The following RIT2 variants were observed in gnomAD, a reference collection of about 807,000 sequenced individuals.
RIT2 encodes the protein GTP-binding protein Rit2.
A neutral mutation model predicts 23.7 loss-of-function variants in RIT2; 24 were observed. That is an observed-to-expected ratio of 1.01 (90% CI 0.73 to 1.43). The LOEUF (loss-of-function observed/expected upper bound fraction) is 1.43. Ranked by LOEUF, RIT2 falls within the 40% of genes most tolerant of loss-of-function variation. RIT2 has a pLI of 0.00. For synonymous variants in RIT2, 107 were observed against 91.1 expected (o/e 1.17, Z -0.99); for missense variants, 236 against 266.9 (o/e 0.88, Z 0.81).
chr18:42,835,672 T>C (rs1906580355), intron 4 of RIT2, among the ~76,000 whole-genome samples: 1 of 152,096 alleles, frequency 6.6e-6, no homozygotes, highest in Admixed American at 6.5e-5. Flanking sequence ...TTAATGCATG[T>C]GAAGGCAGGA....
intron 4 of RIT2, among the ~76,000 whole-genome samples, chr18:42,897,613 G>C (rs1438970319): frequency 6.6e-6 from 1 of 151,914 alleles, no homozygotes. Context: ...GTATGCCTAT[G>C]GTATTAAAGT....
intron 4 of RIT2, among the ~76,000 whole-genome samples, chr18:42,787,080 C>T (rs1913939018): frequency 2.6e-5 from 4 of 151,912 alleles, no homozygotes. Flanking sequence ...ATTATGCAAT[C>T]TGCCATAAAG....
chr18:42,972,801 A>G (rs1377841901), intron 3 of RIT2, among the ~76,000 whole-genome samples: 1 of 151,828 alleles, frequency 6.6e-6, no homozygotes, highest in East Asian at 1.9e-4. Flanking sequence ...TATAAACAGG[A>G]TGTGTATGTG....
chr18:42,755,742 G>A (rs1231963525), intron 4 of RIT2, among the ~76,000 whole-genome samples: 2 of 152,170 alleles, frequency 1.3e-5, no homozygotes, highest in Admixed American at 6.6e-5. Context: ...CCCAGGCCAT[G>A]AGAATACAGC....
In RIT2 at chr18:42,743,491, T is replaced by C. The variant is rs374009419; in HGVS notation, c.*2A>G. The stretch of plus-strand genomic sequence containing the variant: ...AGCGTGAGGAACTCAAAAGCAAAGA[T>C]ATCATGTCATATTTTCTCTCTTCTT... On this transcript the variant is annotated 3_prime_UTR_variant, in exon 5 of 5. Transcript: ENST00000326695. 2.2e-5 allele frequency: 35 copies of C among 1,603,958 alleles called. No homozygotes were observed. Among genetic ancestry groups the C allele is most frequent in the African/African-American group, 6.7e-5 (5 of 74,488 alleles).
At chr18:43,004,858 A>G (rs1314377040) in intron 2 of RIT2, among the ~76,000 whole-genome samples, 1 of 151,788 alleles carries the variant, frequency 6.6e-6, no homozygotes, top group Admixed American at 6.6e-5. Flanking sequence ...AGATCTGCAG[A>G]CTCAATTACT....
Position 43,115,475 on chromosome 18 carries a change from T to C in RIT2, c.45A>G (p.Ser15=), listed in dbSNP as rs1313709346. ...CCACCTTGTACTCTCTGGACCCGCC[T>C]GATGCGCTGCCCGGGGAGCAGCTGG... is the stretch of plus-strand genomic sequence containing the variant. ...NEASCSPGSA[S]GGSREYKVVM... Residue 15 remains serine, a synonymous_variant, in exon 1 of 5, where the codon TCA becomes TCG. Coordinates refer to ENST00000326695, the MANE Select transcript of RIT2 (RefSeq NM_002930.4). 1 of 1,613,612 alleles carries C rather than the reference T, an allele frequency of 6.2e-7. No individual in the cohort carries two copies.
chr18:42,822,611 T>A (rs1906184652), intron 4 of RIT2, among the ~76,000 whole-genome samples: 1 of 152,088 alleles, frequency 6.6e-6, no homozygotes, highest in Non-Finnish European at 1.5e-5. Flanking sequence ...ACCTGCACCA[T>A]ACCTCCAGCT....
chr18:42,796,319 C>G (rs575068800), intron 4 of RIT2, among the ~76,000 whole-genome samples: 3 of 152,236 alleles, frequency 2.0e-5, no homozygotes, highest in Admixed American at 2.0e-4. Flanking sequence ...CCAGCGAGAC[C>G]ACGAACCCAC....
intron 1 of RIT2, among the ~76,000 whole-genome samples, chr18:43,089,668 T>C (rs1327172889): frequency 1.3e-5 from 2 of 151,308 alleles, no homozygotes; most frequent in Non-Finnish European, 2.9e-5. Flanking sequence ...CCAAAACAGA[T>C]TGGCACTGGT....
Position 43,059,145 on chromosome 18 carries a change from G to A in RIT2, c.104-25278C>T, listed in dbSNP as rs190974542. Among the ~76,000 whole-genome samples, 4 of 152,020 alleles carry A rather than the reference G, an allele frequency of 2.6e-5. No homozygotes were observed. In the East Asian group the frequency reaches 7.8e-4, roughly 30 times the overall value. ...AGGAATGACATGATCATCTTTTTAA[G>A]ATAGTAGAAGTCATTGTTAGTATTT... On this transcript the variant is annotated intron_variant, in intron 1 of 4. Coordinates refer to ENST00000326695, the MANE Select transcript of RIT2 (RefSeq NM_002930.4).
chr18:42,968,480 T>C (rs1598733573), intron 3 of RIT2, among the ~76,000 whole-genome samples: 1 of 152,248 alleles, frequency 6.6e-6, no homozygotes, highest in East Asian at 1.9e-4. Context: ...ACTTGGCCCA[T>C]TTTCCCCAAG....
At chr18:42,812,327 T>TGAG (rs1303795384) in intron 4 of RIT2, among the ~76,000 whole-genome samples, 1 of 152,102 alleles carries the variant, frequency 6.6e-6, no homozygotes, top group African/African-American at 2.4e-5. Context: ...TGTCTCTTAG[T>TGAG]GAGGATCATG....
chr18:42,843,345 G>A lies in RIT2; in HGVS notation c.426+80227C>T, dbSNP rs375902051. 1.2e-4 allele frequency among the ~76,000 whole-genome samples: 18 copies of A among 152,180 alleles called. No homozygotes were observed. In the East Asian group the frequency reaches 2.1e-3, roughly 18 times the overall value. ...TTGAAAAATCTCCAGCTGCCTCTAG[G>A]TATCTCTTATAATTTTCTCCTGTTT... On this transcript the variant is annotated intron_variant, in intron 4 of 4. Transcript: ENST00000326695.
intron 4 of RIT2, among the ~76,000 whole-genome samples, chr18:42,891,752 T>G (rs1356427138): frequency 1.3e-5 from 2 of 151,908 alleles, no homozygotes; most frequent in Non-Finnish European, 2.9e-5. Flanking sequence ...GAGGGAGAGA[T>G]GAATAAGCAG....
intron 2 of RIT2, among the ~76,000 whole-genome samples, chr18:43,027,285 C>T (rs778112991): frequency 1.3e-5 from 2 of 151,920 alleles, no homozygotes; most frequent in African/African-American, 2.4e-5. Context: ...TGGAGAAATG[C>T]GAAAGGCACT....
intron 4 of RIT2, among the ~76,000 whole-genome samples, chr18:42,856,336 G>T (rs940375563): frequency 2.6e-5 from 4 of 152,324 alleles, no homozygotes; most frequent in Non-Finnish European, 4.4e-5. Context: ...GACATGCCTT[G>T]CTGGGTTACC....
intron 4 of RIT2, among the ~76,000 whole-genome samples, chr18:42,823,617 C>T (rs1347989615): frequency 6.6e-6 from 1 of 152,098 alleles, no homozygotes; most frequent in Non-Finnish European, 1.5e-5. Context: ...TATCCCTGCA[C>T]ACTTTTTTTC....
intron 2 of RIT2, among the ~76,000 whole-genome samples, chr18:42,990,335 A>G (rs574629005): frequency 2.3e-3 from 353 of 152,230 alleles, no homozygotes; most frequent in African/African-American, 8.1e-3. Context: ...TTGCTTTGCT[A>G]CATGTACAGA....
Sources: allele counts gnomAD v4.1 joint callset (sites outside exome capture counted in the v4.1 genomes callset), GRCh38; gene constraint gnomAD v4.1.1; transcripts MANE v1.5; gene names NCBI Gene and HGNC (gene_info 2026-07-23, HGNC 2026-07-21).